CAMTA1: variants seen among roughly 807,000 people sequenced by gnomAD.
The protein encoded by CAMTA1 is calmodulin binding transcription activator 1.
CAMTA1 carries 27 observed loss-of-function variants against 170.9 expected under a neutral mutation model. That is an observed-to-expected ratio of 0.16 (90% CI 0.12 to 0.22). The LOEUF (loss-of-function observed/expected upper bound fraction) is 0.22. Ranked by LOEUF, CAMTA1 falls within the 10% of genes least tolerant of loss-of-function variation. The pLI, the probability that CAMTA1 is intolerant of heterozygous loss-of-function variation, is 1.00. For synonymous variants in CAMTA1, 833 were observed against 891.5 expected (o/e 0.93, Z 1.17); for missense variants, 1,619 against 2,217.2 (o/e 0.73, Z 5.42).
intron 6 of CAMTA1, among the ~76,000 whole-genome samples, chr1:7,639,789 G>A (rs2095746211): frequency 6.6e-6 from 1 of 151,274 alleles, no homozygotes; most frequent in African/African-American, 2.4e-5. Context: ...AAAAAAAAGT[G>A]CTTCATTGCA....
chr1:7,236,567 G>A (rs954923475), intron 4 of CAMTA1, among the ~76,000 whole-genome samples: 7 of 152,188 alleles, frequency 4.6e-5, no homozygotes, highest in African/African-American at 1.7e-4. Flanking sequence ...GCTGTGCGAC[G>A]TTGGGGAAGT....
intron 4 of CAMTA1, among the ~76,000 whole-genome samples, chr1:7,160,961 T>C (rs1173305330): frequency 6.6e-6 from 1 of 152,204 alleles, no homozygotes; most frequent in Non-Finnish European, 1.5e-5. Flanking sequence ...CACTTCTTTC[T>C]CTCTGTCCTT....
rs376951169 is a variant in CAMTA1 at position 7,182,851 on chromosome 1, T to C, written c.303-66640T>C. On this transcript the variant is annotated intron_variant, in intron 4 of 22. Coordinates refer to ENST00000303635, the MANE Select transcript of CAMTA1 (RefSeq NM_015215.4). Reference sequence around the variant, plus strand: ...ACGAAAAGATGTTCAACATCACTCATAATTAGAGAAATGAAAATGGCTTTG... The same window carrying C: ...ACGAAAAGATGTTCAACATCACTCACAATTAGAGAAATGAAAATGGCTTTG... Among the ~76,000 whole-genome samples, 11 of 152,260 alleles carry C rather than the reference T, an allele frequency of 7.2e-5. No homozygotes were observed. The East Asian group carries it at 2.1e-3, about 29-fold the overall frequency.
At chr1:7,478,034 A>G (rs1448596637) in intron 6 of CAMTA1, among the ~76,000 whole-genome samples, 1 of 152,228 alleles carries the variant, frequency 6.6e-6, no homozygotes, top group African/African-American at 2.4e-5. Flanking sequence ...AAAATAAAAT[A>G]AAATACCTCC....
rs375669482 is a variant in CAMTA1 at position 7,736,543 on chromosome 1, A to G, written c.3263+3A>G. On this transcript the variant is annotated splice_donor_region_variant and intron_variant, in intron 13 of 22. Coordinates refer to ENST00000303635, the MANE Select transcript of CAMTA1 (RefSeq NM_015215.4). The surrounding 1 kb of genome is among the most constrained non-coding windows in gnomAD (Gnocchi z 4.5). ...ATCCAGACCCTCATCAAATGGCGGT[A>G]AGGCTGTGGTGCAGCTGGCTGGGGG... 1.1e-5 allele frequency: 17 copies of G among 1,613,634 alleles called. No homozygotes were observed. The highest frequency in any genetic ancestry group is 1.4e-5 in the Non-Finnish European group (17 of 1,179,678).
Position 7,077,457 on chromosome 1 carries a change from G to C in CAMTA1, c.235-13847G>C, listed in dbSNP as rs1295985276. On this transcript the variant is annotated intron_variant, in intron 3 of 22. Transcript: ENST00000303635. ...CCTTGTATGGGAGCAGAGGGGAGTG[G>C]TGGAGTCTCCCCGTTTGCCAGCCTC... is the stretch of plus-strand genomic sequence containing the variant. Among the ~76,000 whole-genome samples, 3 of 152,128 alleles carry C rather than the reference G, an allele frequency of 2.0e-5. No homozygotes were observed. In the East Asian group the frequency reaches 5.8e-4, roughly 30 times the overall value.
At chr1:6,813,394 T>C (rs1645409381) in intron 1 of CAMTA1, among the ~76,000 whole-genome samples, 1 of 151,784 alleles carries the variant, frequency 6.6e-6, no homozygotes, top group African/African-American at 2.4e-5. Context: ...ACTAATTAAA[T>C]AATTAATTGT....
chr1:7,508,222 C>A (rs924578073), intron 6 of CAMTA1, among the ~76,000 whole-genome samples: 2 of 152,172 alleles, frequency 1.3e-5, no homozygotes, highest in Admixed American at 6.5e-5. Flanking sequence ...CAGTGCCGGG[C>A]CCGGGCCTCC....
At chr1:6,924,813 G>A (rs568062989) in intron 3 of CAMTA1, among the ~76,000 whole-genome samples, 1 of 152,318 alleles carries the variant, frequency 6.6e-6, no homozygotes, top group African/African-American at 2.4e-5. Context: ...CTAGCACTTC[G>A]GAATTGAAAT....
In CAMTA1 at chr1:7,561,451, C is replaced by T. The variant is rs1341759074; in HGVS notation, c.511-78949C>T. 6.6e-6 allele frequency among the ~76,000 whole-genome samples: 1 copy of T among 151,860 alleles called. No homozygotes were observed. The highest frequency in any genetic ancestry group is 2.4e-5 in the African/African-American group (1 of 41,334). On this transcript the variant is annotated intron_variant, in intron 6 of 22. Coordinates refer to ENST00000303635, the MANE Select transcript of CAMTA1 (RefSeq NM_015215.4). The surrounding 1 kb of genome is among the most constrained non-coding windows in gnomAD (Gnocchi z 5.3). ...ACATGGCCCCTGAGGGCATGGGACTCTCCCTGCTGGGCACACCCCAGCGGC... is the reference window on the plus strand; with the variant it reads ...ACATGGCCCCTGAGGGCATGGGACTTTCCCTGCTGGGCACACCCCAGCGGC...
rs1307971988 is a variant in CAMTA1, at chr1:7,638,213, TGGGGAAAGCAGA to T, written c.511-2175_511-2164del. 5.3e-5 allele frequency among the ~76,000 whole-genome samples: 8 copies of T among 152,248 alleles called. No homozygotes were observed. In the East Asian group the frequency reaches 1.5e-3, roughly 29 times the overall value. On this transcript the variant is annotated intron_variant, in intron 6 of 22. Coordinates refer to ENST00000303635, the MANE Select transcript of CAMTA1 (RefSeq NM_015215.4). ...CATGGTTGAGTCTCAGTCTATCAGC[TGGGGAAAGCAGA>T]GGGGAAAGCAGCTTTCCTCTATCAG...
At chr1:6,856,717 A>G (rs999795359) in intron 3 of CAMTA1, among the ~76,000 whole-genome samples, 1 of 152,242 alleles carries the variant, frequency 6.6e-6, no homozygotes, top group African/African-American at 2.4e-5. Context: ...ACAGGCTGCT[A>G]CAAGAGAGGA....
At chr1:7,513,263 A>G (rs1243106200) in intron 6 of CAMTA1, among the ~76,000 whole-genome samples, 2 of 152,096 alleles carry the variant, frequency 1.3e-5, no homozygotes, top group African/African-American at 4.8e-5. Context: ...AGAGAAAGAG[A>G]AACTTCCAGG....
rs1279089649 is a variant in CAMTA1, at chr1:7,767,272, T to G, written c.*781T>G. The stretch of plus-strand genomic sequence containing the variant: ...CGAGGGTAGTAATCATCTTGTCCCC[T>G]TTTTCATGTTCAGCACTTTAATTTT... On this transcript the variant is annotated 3_prime_UTR_variant, in exon 23 of 23. Coordinates refer to ENST00000303635, the MANE Select transcript of CAMTA1 (RefSeq NM_015215.4). 6.5e-6 allele frequency: 1 copy of G among 152,788 alleles called. No individual in the cohort carries two copies. Among genetic ancestry groups the G allele is most frequent in the Admixed American group, 6.5e-5 (1 of 15,282 alleles). The allele number at this position is 152,788 out of a possible 1,614,324, so 9.5% of individuals were successfully genotyped here. A position where few individuals can be genotyped will look rare whatever the true frequency, so the allele number is the denominator to read the frequency against.
intron 5 of CAMTA1, among the ~76,000 whole-genome samples, chr1:7,376,774 T>G (rs1484832946): frequency 1.3e-5 from 2 of 152,174 alleles, no homozygotes; most frequent in African/African-American, 4.8e-5. Context: ...CTGGTGTCTC[T>G]TTTGCCCTGG....
chr1:7,677,546 A>G, intron 10 of CAMTA1, 53 bp from the exon 11 acceptor site: 2 of 1,584,706 alleles, frequency 1.3e-6, no homozygotes, highest in Middle Eastern at 3.4e-4. Context: ...GTGGTTCACC[A>G]GGCTGTAGGT....
At position 7,736,600 on chromosome 1, in the gene CAMTA1, C is replaced by G; in HGVS notation, c.3263+60C>G. On this transcript the variant is annotated intron_variant, in intron 13 of 22. Transcript: ENST00000303635. This position sits in a 1 kb window ranked among gnomAD's most constrained non-coding sequence, Gnocchi z 4.5. ...TCGCACATCCTCGCTCACATTCTTCCTGAGCACTGCCACCCGTGGAAGAAA... is the reference window on the plus strand; with the variant it reads ...TCGCACATCCTCGCTCACATTCTTCGTGAGCACTGCCACCCGTGGAAGAAA... 1.3e-6 allele frequency: 2 copies of G among 1,492,004 alleles called. No homozygotes were observed. Among genetic ancestry groups the G allele is most frequent in the Non-Finnish European group, 1.9e-6 (2 of 1,072,434 alleles). 92.4% of individuals were successfully genotyped at this position (1,492,004 alleles called of 1,614,324 possible).
Position 7,738,383 on chromosome 1 carries a change from C to T in CAMTA1, c.4083C>T (p.Val1361=), listed in dbSNP as rs1447401027. ...SQVRPREPMS[V]LMMANREVVN... is the part of the protein sequence containing the mutation. ...TGCGTCCACGGGAACCAATGAGTGT[C>T]CTGATGATGGCTAACAGAGAGGTGG... The change falls in exon 16 of 23, where the codon GTC becomes GTT. Residue 1361 remains valine (V), a synonymous_variant. Transcript: ENST00000303635. The surrounding 1 kb of genome is among the most constrained non-coding windows in gnomAD (Gnocchi z 4.9). 9 of 1,614,044 alleles carry T rather than the reference C, an allele frequency of 5.6e-6. No homozygotes were observed. Among genetic ancestry groups the T allele is most frequent in the African/African-American group, 1.3e-5 (1 of 74,918 alleles).
intron 4 of CAMTA1, among the ~76,000 whole-genome samples, chr1:7,114,138 C>T (rs1438943428): frequency 1.3e-5 from 2 of 152,298 alleles, no homozygotes; most frequent in South Asian, 2.1e-4. Flanking sequence ...CTGCAGAGCA[C>T]CTAACATGTG....
Sources: gnomAD v4.1 joint callset for allele counts (sites outside exome capture counted in the v4.1 genomes callset) on GRCh38, gnomAD v4.1.1 for gene constraint, Gnocchi (gnomAD v3.1) non-coding constraint, MANE v1.5 for transcripts, NCBI Gene and HGNC (gene_info 2026-07-23, HGNC 2026-07-21) for gene names.